PCDHGA6: variants seen among roughly 807,000 people sequenced by gnomAD.
PCDHGA6 encodes the protein protocadherin gamma-A6.
PCDHGA6 carries 41 observed loss-of-function variants against 60.6 expected under a neutral mutation model. That is an observed-to-expected ratio of 0.68 (90% CI 0.53 to 0.88). PCDHGA6 has a LOEUF of 0.88. Ranked by LOEUF, PCDHGA6 falls within the 40% of genes least tolerant of loss-of-function variation. PCDHGA6 has a pLI of 0.00. For missense variants in PCDHGA6, 1,312 were observed against 1,203.0 expected, an observed-to-expected ratio of 1.09 and a Z score of -1.34; for synonymous variants, 594 against 524.4, an observed-to-expected ratio of 1.13 and a Z score of -1.81.
At chr5:141,422,100 A>G (rs1019775470) in intron 1 of PCDHGA6, 2 of 1,609,786 alleles carry the variant, frequency 1.2e-6, no homozygotes, top group Non-Finnish European at 1.7e-6. Context: ...AGGCTTCTGA[A>G]ATATTCCAAT....
chr5:141,375,531 A>G lies in PCDHGA6; in HGVS notation c.1448A>G (p.Gln483Arg). 2 of 1,614,040 alleles carry G rather than the reference A, an allele frequency of 1.2e-6. No homozygotes were observed. The highest frequency in any genetic ancestry group is 1.7e-6 in the Non-Finnish European group (2 of 1,179,930). Residue 483 changes from glutamine to arginine, a missense_variant, in exon 1 of 4, where the codon CAG (glutamine) becomes CGG (arginine). Coordinates refer to ENST00000517434, the MANE Select transcript of PCDHGA6 (RefSeq NM_018919.3). ...AATGCACTGGACCCTGACGTGGACCAGAACGCCCAAGTCTCCTACTCACTG... is the reference window on the plus strand; with the variant it reads ...AATGCACTGGACCCTGACGTGGACCGGAACGCCCAAGTCTCCTACTCACTG... ...SVNALDPDVDQNAQVSYSLAE... is the reference protein window; with the variant it reads ...SVNALDPDVDRNAQVSYSLAE...
chr5:141,469,880 C>T (rs774827232), intron 1 of PCDHGA6, among the ~76,000 whole-genome samples: 7 of 152,210 alleles, frequency 4.6e-5, no homozygotes, highest in East Asian at 1.9e-4. Flanking sequence ...CCTGTAATCT[C>T]GGCACTTTGG....
intron 1 of PCDHGA6, among the ~76,000 whole-genome samples, chr5:141,446,746 C>T (rs1413869259): frequency 6.6e-6 from 1 of 152,170 alleles, no homozygotes; most frequent in Non-Finnish European, 1.5e-5. Context: ...GGATTACAGG[C>T]GTGAGCCACC....
intron 1 of PCDHGA6, chr5:141,394,748 C>A: frequency 6.2e-7 from 1 of 1,613,414 alleles, no homozygotes. Flanking sequence ...TCGTGGTGGC[C>A]GTCCAGGACC....
intron 1 of PCDHGA6, chr5:141,418,919 G>C: frequency 6.2e-7 from 1 of 1,614,016 alleles, no homozygotes. Flanking sequence ...GTCACTCTCT[G>C]ATCAGATTAT....
rs771867567 is a variant in PCDHGA6 at position 141,419,867 on chromosome 5, G to A, written c.2424+43360G>A. 3.1e-6 allele frequency: 5 copies of A among 1,614,086 alleles called. No homozygotes were observed. In the South Asian group the frequency reaches 5.5e-5, roughly 18 times the overall value. On this transcript the variant is annotated intron_variant, in intron 1 of 3. Transcript: ENST00000517434. Reference sequence around the variant, plus strand: ...CCTGGTGTTCGCAGATAGCTTGCAAGAGGTACTGCCGGATTTCAGCGACCA... The same window carrying A: ...CCTGGTGTTCGCAGATAGCTTGCAAAAGGTACTGCCGGATTTCAGCGACCA...
At chr5:141,492,548 C>A (rs1028674110) in intron 1 of PCDHGA6, among the ~76,000 whole-genome samples, 1 of 152,218 alleles carries the variant, frequency 6.6e-6, no homozygotes, top group Non-Finnish European at 1.5e-5. Flanking sequence ...TGGGCCGGGT[C>A]GCCTGGGGGG....
At chr5:141,505,336 G>T in intron 2 of PCDHGA6, 57 bp from the exon 3 acceptor site, 2 of 1,611,372 alleles carry the variant, frequency 1.2e-6, no homozygotes, top group Non-Finnish European at 1.7e-6. Context: ...GAGGACAGGA[G>T]GGGCATGAGC....
At chr5:141,382,683 G>A in intron 1 of PCDHGA6, 1 of 444,266 alleles carries the variant, frequency 2.3e-6, no homozygotes, top group Non-Finnish European at 4.0e-6. Context: ...ACCAACCAGG[G>A]AAAAATGGTG....
intron 1 of PCDHGA6, chr5:141,417,979 G>C (rs2096202372): frequency 6.2e-7 from 1 of 1,613,752 alleles, no homozygotes; most frequent in Admixed American, 1.7e-5. Context: ...TTCCGGAGGA[G>C]CTGGCCAAGG....
At position 141,375,665 on chromosome 5, in the gene PCDHGA6, C is replaced by T. The variant is rs114223268; in HGVS notation, c.1582C>T (p.Leu528=). 0.014 allele frequency: 22,660 copies of T among 1,614,242 alleles called. 234 individuals carry two copies. The highest frequency in any genetic ancestry group is 0.016 in the Non-Finnish European group (18,799 of 1,180,046). ...CTTCGACTATGAGCAGTTGAGAGAC[C>T]TACAGCTGTGGGTGACAGCCAGCGA... ...RSFDYEQLRD[L]QLWVTASDSG... is the part of the protein sequence containing the mutation. The change falls in exon 1 of 4, where the codon CTA becomes TTA. Residue 528 remains leucine, a synonymous_variant. Coordinates refer to ENST00000517434, the MANE Select transcript of PCDHGA6 (RefSeq NM_018919.3).
intron 1 of PCDHGA6, chr5:141,383,383 G>A: frequency 6.2e-7 from 1 of 1,614,036 alleles, no homozygotes; most frequent in Non-Finnish European, 8.5e-7. Flanking sequence ...GGATCCAGAT[G>A]TGGGCACGAA....
At chr5:141,419,182 C>T in intron 1 of PCDHGA6, 2 of 1,613,986 alleles carry the variant, frequency 1.2e-6, no homozygotes, top group Non-Finnish European at 1.7e-6. Context: ...TAACCCTGCA[C>T]ATTACTGACG....
chr5:141,464,068 C>A (rs2099075218), intron 1 of PCDHGA6, among the ~76,000 whole-genome samples: 1 of 152,036 alleles, frequency 6.6e-6, no homozygotes, highest in Admixed American at 6.6e-5. Flanking sequence ...AGTTCAAGGC[C>A]AGCCTGGCCA....
intron 1 of PCDHGA6, chr5:141,478,642 T>C (rs777741719): frequency 6.4e-7 from 1 of 1,552,350 alleles, no homozygotes; most frequent in Non-Finnish European, 8.7e-7. Context: ...GTGATGAAGA[T>C]GTTTTCCTGG....
chr5:141,375,213 G>T lies in PCDHGA6; in HGVS notation c.1130G>T (p.Gly377Val), dbSNP rs778646849. ...ALFQVFDRDS[G>V]LNGLVTCSIP... is the part of the protein sequence containing the mutation. ...TTTCAAGTGTTCGATCGAGACTCTG[G>T]CCTGAATGGCCTGGTAACCTGTTCC... Residue 377 changes from glycine to valine, a missense_variant, in exon 1 of 4, where the codon GGC (glycine) becomes GTC (valine). By Grantham distance (109) the Gly-to-Val change is moderately radical (BLOSUM62 -3). Coordinates refer to ENST00000517434, the MANE Select transcript of PCDHGA6 (RefSeq NM_018919.3). 6.2e-7 allele frequency: 1 copy of T among 1,613,926 alleles called. No homozygotes were observed. Among genetic ancestry groups the T allele is most frequent in the Admixed American group, 1.7e-5 (1 of 60,022 alleles).
At chr5:141,456,701 G>C (rs370086323) in intron 1 of PCDHGA6, among the ~76,000 whole-genome samples, 1 of 151,988 alleles carries the variant, frequency 6.6e-6, no homozygotes. Flanking sequence ...GTGGTGGCTC[G>C]CGCCTGTAAT....
chr5:141,484,940 G>C, intron 1 of PCDHGA6: 1 of 541,138 alleles, frequency 1.8e-6, no homozygotes, highest in Non-Finnish European at 3.3e-6. Flanking sequence ...GACGTTCTCT[G>C]CTCAGCCTAT....
At chr5:141,471,309 C>T (rs140651182) in intron 1 of PCDHGA6, 8,212 of 152,202 alleles carry the variant, frequency 0.054, 462 homozygotes, top group African/African-American at 0.15. Flanking sequence ...ACTCGGCCTC[C>T]CAAAGTGCTG....
Sources: gnomAD v4.1 joint callset for allele counts (sites outside exome capture counted in the v4.1 genomes callset) on GRCh38, gnomAD v4.1.1 for gene constraint, MANE v1.5 for transcripts, NCBI Gene and HGNC (gene_info 2026-07-23, HGNC 2026-07-21) for gene names.